Variants in NRK observed in about 807,000 individuals in gnomAD.
The protein encoded by NRK is nik-related protein kinase.
NRK carries 67 observed loss-of-function variants against 125.2 expected under a neutral mutation model. The observed-to-expected ratio is 0.54, with a 90% CI of 0.44 to 0.66. The LOEUF (loss-of-function observed/expected upper bound fraction) is 0.66, where lower values mean the gene tolerates loss of function less well. Ranked by LOEUF, NRK falls within the 30% of genes least tolerant of loss-of-function variation. The pLI is 0.00. For synonymous variants in NRK, 458 were observed against 429.0 expected (o/e 1.07, Z -0.84); for missense variants, 1,224 against 1,192.9 (o/e 1.03, Z -0.38).
At chrX:105,911,762 A>G (rs373709507) in intron 13 of NRK, among the ~76,000 whole-genome samples, 2 of 111,804 alleles carry the variant, frequency 1.8e-5, no homozygotes, top group East Asian at 5.6e-4. Context: ...CTAGTAATCA[A>G]TTAGATCTAA....
intron 26 of NRK, among the ~76,000 whole-genome samples, chrX:105,947,941 A>G (rs1323577751): frequency 8.9e-6 from 1 of 112,115 alleles, no homozygotes; most frequent in Non-Finnish European, 1.9e-5. Flanking sequence ...TTATATAGAA[A>G]TCACACTGTT....
At chrX:105,915,921 T>A in intron 15 of NRK, 124 bp downstream of exon 15, 1 of 408,844 alleles carries the variant, frequency 2.4e-6, no homozygotes, top group South Asian at 5.3e-5. Context: ...TCATCACCAT[T>A]GACTTTATTG....
At chrX:105,906,764 C>CGTGTGTGTGT (rs61655627) in intron 11 of NRK, among the ~76,000 whole-genome samples, 175 bp downstream of exon 11, 1,162 of 87,516 alleles carry the variant, frequency 0.013, 9 homozygotes, top group Middle Eastern at 0.067. Context: ...TTTTCTCTTG[C>CGTGTGTGTGT]GTGTGTGTGT....
chrX:105,909,945 G>A (rs1242393922), intron 13 of NRK, 63 bp downstream of exon 13: 21 of 959,267 alleles, frequency 2.2e-5, no homozygotes, highest in Admixed American at 2.0e-4. Flanking sequence ...TAGCTCATGC[G>A]GATGTTTTTT....
At chrX:105,915,890 A>G (rs766345440) in intron 15 of NRK, 93 bp downstream of exon 15, 11 of 478,752 alleles carry the variant, frequency 2.3e-5, no homozygotes, top group Non-Finnish European at 3.6e-5. Context: ...TGTGAAGTCA[A>G]CTAAAATATC....
rs749134798 is a variant in NRK, at chrX:105,909,709, A to G, written c.2068A>G (p.Thr690Ala). The G allele has an allele frequency of 9.3e-6, 11 of 1,181,483 alleles. No individual in the cohort carries two copies. Among genetic ancestry groups the G allele is most frequent in the African/African-American group, 1.8e-5 (1 of 56,347 alleles). ...QAREKKSKVS[T>A]LRQALAKRLS... ...ACGGGAGAAAAAATCAAAAGTTTCTACTCTGAGGCAAGCACTGGCAAAAAG... is the reference window on the plus strand; with the variant it reads ...ACGGGAGAAAAAATCAAAAGTTTCTGCTCTGAGGCAAGCACTGGCAAAAAG... Residue 690 changes from threonine (T) to alanine (A), a missense_variant, in exon 13 of 29, where the codon ACT (threonine) becomes GCT (alanine). Coordinates refer to ENST00000243300, the MANE Select transcript of NRK (RefSeq NM_198465.4).
At chrX:105,913,837 ATGTTTTGTTT>A (rs911938477) in intron 14 of NRK, among the ~76,000 whole-genome samples, 2 of 110,590 alleles carry the variant, frequency 1.8e-5, no homozygotes, top group Non-Finnish European at 3.8e-5. Flanking sequence ...CATTTAATCT[ATGTTTTGTTT>A]TGTTTTGTTT....
intron 2 of NRK, among the ~76,000 whole-genome samples, chrX:105,846,546 C>A (rs1481915373): frequency 9.0e-6 from 1 of 111,302 alleles, no homozygotes; most frequent in African/African-American, 3.3e-5. Flanking sequence ...TCTGTAGATC[C>A]TAAAAAGATT....
chrX:105,911,848 T>C (rs2040306151), intron 13 of NRK, among the ~76,000 whole-genome samples: 1 of 112,019 alleles, frequency 8.9e-6, no homozygotes, highest in Non-Finnish European at 1.9e-5. Context: ...ACACACTTAT[T>C]GTCATTTATT....
chrX:105,845,133 G>A (rs2039384008), intron 2 of NRK, among the ~76,000 whole-genome samples: 1 of 111,652 alleles, frequency 9.0e-6, no homozygotes, highest in South Asian at 3.8e-4. Flanking sequence ...GATGCCACTT[G>A]CCCTCTATTT....
Position 105,945,915 on chromosome X carries a change from C to T in NRK, c.4103C>T (p.Ser1368Phe). 8.3e-7 allele frequency: 1 copy of T among 1,204,374 alleles called. No individual in the cohort carries two copies. The highest frequency in any genetic ancestry group is 1.1e-6 in the Non-Finnish European group (1 of 889,277). ...QSADSEGDYMSYQAYIRILAK... is the reference protein window; with the variant it reads ...QSADSEGDYMFYQAYIRILAK... ...GCAGACTCTGAAGGAGACTACATGT[C>T]CTATCAAGCCTATATACGAATACTG... is the stretch of plus-strand genomic sequence containing the variant. The change falls in exon 25 of 29, where the codon TCC (serine) becomes TTC (phenylalanine). Residue 1368 changes from serine to phenylalanine, a missense_variant. Transcript: ENST00000243300.
At chrX:105,852,400 A>G (rs1294892776) in intron 2 of NRK, among the ~76,000 whole-genome samples, 1 of 111,817 alleles carries the variant, frequency 8.9e-6, no homozygotes, top group East Asian at 2.8e-4. Context: ...GAATTCTACT[A>G]TTCCTTTTAT....
intron 19 of NRK, among the ~76,000 whole-genome samples, chrX:105,929,881 C>A (rs2147777976): frequency 9.0e-6 from 1 of 111,288 alleles, no homozygotes; most frequent in Non-Finnish European, 1.9e-5. Context: ...AGGTTTTTTC[C>A]AGCACTTTGA....
intron 4 of NRK, among the ~76,000 whole-genome samples, chrX:105,886,454 A>C (rs1209665881): frequency 9.6e-6 from 1 of 104,523 alleles, no homozygotes; most frequent in Non-Finnish European, 1.9e-5. Flanking sequence ...AATTATATAT[A>C]TAATTATATT....
At chrX:105,953,719 T>C (rs1366831546) in intron 28 of NRK, among the ~76,000 whole-genome samples, 1 of 111,972 alleles carries the variant, frequency 8.9e-6, no homozygotes, top group Non-Finnish European at 1.9e-5. Flanking sequence ...GATCTGGCAA[T>C]TATTTGTATA....
intron 2 of NRK, among the ~76,000 whole-genome samples, chrX:105,873,271 G>C (rs2039771221): frequency 9.0e-6 from 1 of 111,620 alleles, no homozygotes; most frequent in Middle Eastern, 4.6e-3. Flanking sequence ...ATCAAGGACT[G>C]TCCTGTATTC....
chrX:105,945,354 T>A (rs982399450), intron 24 of NRK, among the ~76,000 whole-genome samples: 3 of 112,329 alleles, frequency 2.7e-5, no homozygotes, highest in African/African-American at 9.7e-5. Flanking sequence ...ATGGTATATT[T>A]TGTAAGGGAA....
At chrX:105,881,940 T>G (rs915461434) in intron 4 of NRK, among the ~76,000 whole-genome samples, 161 bp downstream of exon 4, 1 of 111,479 alleles carries the variant, frequency 9.0e-6, no homozygotes, top group Non-Finnish European at 1.9e-5. Flanking sequence ...TATATTCACT[T>G]AGATTCAATC....
At chrX:105,848,644 G>T (rs1441663578) in intron 2 of NRK, among the ~76,000 whole-genome samples, 1 of 111,754 alleles carries the variant, frequency 8.9e-6, no homozygotes, top group Non-Finnish European at 1.9e-5. Flanking sequence ...TCATAAATCA[G>T]CCTTAAGTTA....
Sources: gnomAD v4.1 joint callset for allele counts (sites outside exome capture counted in the v4.1 genomes callset) on GRCh38, gnomAD v4.1.1 for gene constraint, MANE v1.5 for transcripts, NCBI Gene and HGNC (gene_info 2026-07-23, HGNC 2026-07-21) for gene names.